The following ABCA10 variants were observed in gnomAD, a reference collection of about 807,000 sequenced individuals.
ABCA10 encodes ATP-binding cassette sub-family A member 10.
A neutral mutation model predicts 187.5 loss-of-function variants in ABCA10; 169 were observed. The observed-to-expected ratio is 0.90, with a 90% CI of 0.80 to 1.02. ABCA10 has a LOEUF of 1.02. Ranked by LOEUF, ABCA10 falls within the 50% of genes least tolerant of loss-of-function variation. The pLI, the probability that ABCA10 is intolerant of heterozygous loss-of-function variation, is 0.00. For synonymous variants in ABCA10, 574 were observed against 601.8 expected (o/e 0.95, Z 0.68); for missense variants, 1,727 against 1,812.4 (o/e 0.95, Z 0.86).
Position 69,153,456 on chromosome 17 carries a change from G to C in ABCA10, c.4041+15C>G. 4 of 1,614,036 alleles carry C rather than the reference G, an allele frequency of 2.5e-6. No individual in the cohort carries two copies. The highest frequency in any genetic ancestry group is 2.5e-6 in the Non-Finnish European group (3 of 1,179,982). ...AGCCATGGGTGCACAGGGAAACCCC[G>C]AGCCTGGCCCATACCTTTCTCTTTA... On this transcript the variant is annotated intron_variant, in intron 33 of 38. Coordinates refer to ENST00000690296, the MANE Select transcript of ABCA10 (RefSeq NM_001377321.1).
intron 22 of ABCA10, among the ~76,000 whole-genome samples, chr17:69,181,586 A>G (rs186885545): frequency 3.3e-5 from 5 of 152,246 alleles, no homozygotes; most frequent in Non-Finnish European, 7.4e-5. Context: ...AAGGGATAGG[A>G]AGTGATAGGT....
chr17:69,206,882 C>A (rs1471001779), intron 9 of ABCA10, among the ~76,000 whole-genome samples: 1 of 151,948 alleles, frequency 6.6e-6, no homozygotes, highest in East Asian at 1.9e-4. Context: ...TGGATAGGAC[C>A]CCAGAAGCAT....
chr17:69,193,840 T>C lies in ABCA10; in HGVS notation c.1495A>G (p.Ile499Val), dbSNP rs2074479696. The change falls in exon 13 of 39, where the codon ATT (isoleucine) becomes GTT (valine). Residue 499 changes from isoleucine (I) to valine (V), a missense_variant. Ile to Val is a conservative substitution (Grantham distance 29, BLOSUM62 3). Coordinates refer to ENST00000690296, the MANE Select transcript of ABCA10 (RefSeq NM_001377321.1). ...TCTTGTTCCACTTCCTTTGGCTGAA[T>C]CCCTTTTATTTTAGCAAATACCCTG... is the stretch of plus-strand genomic sequence containing the variant. ...NLRVFAKIKG[I>V]QPKEVEQEVK... The C allele has an allele frequency of 6.2e-7, 1 of 1,613,476 alleles. No homozygotes were observed. The highest frequency in any genetic ancestry group is 1.3e-5 in the African/African-American group (1 of 74,904).
chr17:69,161,876 G>T (rs1309027356), intron 27 of ABCA10, among the ~76,000 whole-genome samples: 1 of 152,146 alleles, frequency 6.6e-6, no homozygotes, highest in Non-Finnish European at 1.5e-5. Flanking sequence ...ATGGCCCAAA[G>T]AAATTAGCAA....
chr17:69,181,566 A>T (rs541114875), intron 22 of ABCA10, among the ~76,000 whole-genome samples: 1 of 152,134 alleles, frequency 6.6e-6, no homozygotes, highest in African/African-American at 2.4e-5. Flanking sequence ...TGGAAAAAAT[A>T]AATCAGGATA....
At chr17:69,166,961 C>T (rs1049688271) in intron 25 of ABCA10, among the ~76,000 whole-genome samples, 11 of 152,070 alleles carry the variant, frequency 7.2e-5, no homozygotes, top group African/African-American at 2.7e-4. Flanking sequence ...TCAGTACTGC[C>T]ATTATCTATA....
chr17:69,162,111 C>G (rs1176546411), intron 27 of ABCA10, among the ~76,000 whole-genome samples: 2 of 152,146 alleles, frequency 1.3e-5, no homozygotes, highest in Non-Finnish European at 2.9e-5. Context: ...ATCAAACTTT[C>G]TACTTAGTGC....
rs1235873628 is a variant in ABCA10, at chr17:69,197,015, G to GGGGAGGGGGAGAGGGAGA, written c.1234+31_1234+48dup. On this transcript the variant is annotated intron_variant, in intron 11 of 38. Coordinates refer to ENST00000690296, the MANE Select transcript of ABCA10 (RefSeq NM_001377321.1). ...AGAGGGAGACCGTGGACAGAGGGAG[G>GGGGAGGGGGAGAGGGAGA]GGGAGGGGGAGAGGGAGAGGGAGAG... is the stretch of plus-strand genomic sequence containing the variant. 2.3e-6 allele frequency: 3 copies of GGGGAGGGGGAGAGGGAGA among 1,329,624 alleles called. No individual in the cohort carries two copies. In the African/African-American group the frequency reaches 4.4e-5, roughly 19 times the overall value. 82.4% of individuals were successfully genotyped at this position (1,329,624 alleles called of 1,614,324 possible).
chr17:69,203,628 C>G (rs938736475), intron 9 of ABCA10, among the ~76,000 whole-genome samples: 1 of 152,192 alleles, frequency 6.6e-6, no homozygotes, highest in African/African-American at 2.4e-5. Flanking sequence ...CTGCTTTGAG[C>G]CCATTCTTCA....
At chr17:69,217,069 A>C (rs762503489) in intron 6 of ABCA10, among the ~76,000 whole-genome samples, 1 of 152,022 alleles carries the variant, frequency 6.6e-6, no homozygotes, top group Non-Finnish European at 1.5e-5. Context: ...AACATAGTAA[A>C]ACCCCATCTC....
chr17:69,190,522 T>C (rs759281723), intron 17 of ABCA10, 45 bp from the exon 18 acceptor site: 2 of 1,491,124 alleles, frequency 1.3e-6, no homozygotes, highest in South Asian at 1.3e-5. Context: ...AAATTATCAA[T>C]GAGTATATTA....
intron 1 of ABCA10, among the ~76,000 whole-genome samples, chr17:69,238,874 C>T (rs2074887770): frequency 1.3e-5 from 2 of 152,170 alleles, no homozygotes; most frequent in Non-Finnish European, 2.9e-5. Context: ...CTTCTGATCA[C>T]CCATCATTGA....
At chr17:69,208,558 C>T (rs565044767) in intron 9 of ABCA10, among the ~76,000 whole-genome samples, 26 of 151,934 alleles carry the variant, frequency 1.7e-4, no homozygotes, top group Non-Finnish European at 3.5e-4. Flanking sequence ...TCTTCCTCTA[C>T]CCACTACAAA....
At chr17:69,176,000 T>C (rs576551717) in intron 22 of ABCA10, among the ~76,000 whole-genome samples, 7 of 152,274 alleles carry the variant, frequency 4.6e-5, no homozygotes, top group Non-Finnish European at 1.0e-4. Context: ...TATTTATTTC[T>C]GGAATTTTCC....
At chr17:69,163,560 T>C (rs1052340125) in intron 27 of ABCA10, among the ~76,000 whole-genome samples, 1 of 152,088 alleles carries the variant, frequency 6.6e-6, no homozygotes, top group African/African-American at 2.4e-5. Flanking sequence ...AATTTAGAGG[T>C]TTCTTCCTTG....
At chr17:69,158,381 G>A (rs2074190515) in intron 27 of ABCA10, among the ~76,000 whole-genome samples, 1 of 151,796 alleles carries the variant, frequency 6.6e-6, no homozygotes, top group African/African-American at 2.4e-5. Flanking sequence ...AGAAAATTCA[G>A]TAAGGTAAAC....
chr17:69,205,859 C>T (rs2074587681), intron 9 of ABCA10, among the ~76,000 whole-genome samples: 1 of 152,056 alleles, frequency 6.6e-6, no homozygotes, highest in Non-Finnish European at 1.5e-5. Flanking sequence ...AAAATGTTGC[C>T]TATTAAAAGC....
At chr17:69,222,255 T>C (rs2074754568) in intron 4 of ABCA10, among the ~76,000 whole-genome samples, 1 of 150,542 alleles carries the variant, frequency 6.6e-6, no homozygotes, top group South Asian at 2.1e-4. Flanking sequence ...GGAGAATCAC[T>C]GGATCTCGGG....
At chr17:69,185,780 C>T in intron 19 of ABCA10, 137 bp from the exon 20 acceptor site, 1 of 588,528 alleles carries the variant, frequency 1.7e-6, no homozygotes. Flanking sequence ...ATGAAACATA[C>T]AGTGACAGTA....
Sources: allele counts gnomAD v4.1 joint callset (sites outside exome capture counted in the v4.1 genomes callset), GRCh38; gene constraint gnomAD v4.1.1; transcripts MANE v1.5; gene names NCBI Gene and HGNC (gene_info 2026-07-23, HGNC 2026-07-21).